CCSER2: variants seen among roughly 807,000 people sequenced by gnomAD.
CCSER2 encodes the protein serine-rich coiled-coil domain-containing protein 2.
A neutral mutation model predicts 92.3 loss-of-function variants in CCSER2; 46 were observed. The observed-to-expected ratio is 0.50, with a 90% CI of 0.39 to 0.64. The LOEUF is 0.64. Ranked by LOEUF, CCSER2 falls within the 30% of genes least tolerant of loss-of-function variation. CCSER2 has a pLI of 0.00. For synonymous variants in CCSER2, 433 were observed against 431.4 expected (o/e 1.00, Z -0.04); for missense variants, 1,244 against 1,238.9 (o/e 1.00, Z -0.06).
At chr10:84,502,305 T>G (rs1447493863) in intron 9 of CCSER2, among the ~76,000 whole-genome samples, 1 of 151,554 alleles carries the variant, frequency 6.6e-6, no homozygotes, top group Non-Finnish European at 1.5e-5. Flanking sequence ...TGATTGTGCT[T>G]AAGAAGATAG....
chr10:84,363,435 G>T (rs909445002), intron 1 of CCSER2, among the ~76,000 whole-genome samples: 1 of 152,154 alleles, frequency 6.6e-6, no homozygotes, highest in Non-Finnish European at 1.5e-5. Flanking sequence ...TGATCTAGTT[G>T]TCTGAACTTG....
rs60891669 is a variant in CCSER2, at chr10:84,394,385, A to ATGTGTGTGTGTGTGTG, written c.1614+20594_1614+20609dup. Among the ~76,000 whole-genome samples, 139 of 132,680 alleles carry ATGTGTGTGTGTGTGTG rather than the reference A, an allele frequency of 1.0e-3. 1 individual carries two copies. Among genetic ancestry groups the ATGTGTGTGTGTGTGTG allele is most frequent in the Admixed American group, 2.3e-3 (32 of 14,096 alleles). 87.0% of individuals were successfully genotyped at this position (132,680 alleles called of 152,430 possible). On this transcript the variant is annotated intron_variant, in intron 3 of 9. Transcript: ENST00000372088. ...GCTCTTGAAATAACAAAAGGAAAGT[A>ATGTGTGTGTGTGTGTG]TGTGTGTGTGTGTGTGTGTGTGTGT...
chr10:84,404,729 A>G (rs962921699), intron 3 of CCSER2, among the ~76,000 whole-genome samples: 4 of 152,254 alleles, frequency 2.6e-5, no homozygotes, highest in African/African-American at 4.8e-5. Context: ...TACAAAATCA[A>G]TGCACACAAT....
At chr10:84,465,239 TTGTGTGTGTGTGTGTGTGTGTG>T (rs59254139) in intron 7 of CCSER2, among the ~76,000 whole-genome samples, 13,766 of 106,816 alleles carry the variant, frequency 0.13, 2,410 homozygotes, top group African/African-American at 0.39. Flanking sequence ...TTTCCTGAAT[TTGTGTGTGTGTGTGTGTGTGTG>T]TGTGTGTGTG....
In CCSER2 at chr10:84,515,671, T is replaced by TGA. The variant is rs1849574843; in HGVS notation, c.*1405_*1406dup. 2.6e-5 allele frequency: 4 copies of TGA among 152,296 alleles called. No homozygotes were observed. Among genetic ancestry groups the TGA allele is most frequent in the African/African-American group, 9.6e-5 (4 of 41,570 alleles). 9.4% of individuals were successfully genotyped at this position (152,296 alleles called of 1,614,324 possible). On this transcript the variant is annotated 3_prime_UTR_variant, in exon 10 of 10. Transcript: ENST00000372088. The stretch of plus-strand genomic sequence containing the variant: ...GTTGGTCAGGCTGGTCTCGAACTCC[T>TGA]GACCTCAAGTGATCCACCCACCTCG...
At chr10:84,358,670 A>C (rs1242613282) in intron 1 of CCSER2, among the ~76,000 whole-genome samples, 1 of 147,844 alleles carries the variant, frequency 6.8e-6, no homozygotes, top group Admixed American at 6.8e-5. Flanking sequence ...ACATATACAT[A>C]TATGTATATA....
At chr10:84,377,098 A>G (rs918849271) in intron 3 of CCSER2, among the ~76,000 whole-genome samples, 1 of 152,050 alleles carries the variant, frequency 6.6e-6, no homozygotes, top group Non-Finnish European at 1.5e-5. Context: ...ATTCATGTGT[A>G]TATTTACATT....
intron 1 of CCSER2, among the ~76,000 whole-genome samples, chr10:84,346,354 G>A (rs527917527): frequency 1.7e-4 from 25 of 151,356 alleles, no homozygotes; most frequent in Middle Eastern, 3.4e-3. Flanking sequence ...GTGAGCCACC[G>A]CACCCAGCCA....
chr10:84,331,788 A>G (rs1220355836), intron 1 of CCSER2, among the ~76,000 whole-genome samples: 1 of 152,252 alleles, frequency 6.6e-6, no homozygotes, highest in Non-Finnish European at 1.5e-5. Flanking sequence ...ATTTCTTGTC[A>G]TATCAGTGGT....
At chr10:84,411,746 A>G (rs1177030417) in intron 3 of CCSER2, among the ~76,000 whole-genome samples, 1 of 152,190 alleles carries the variant, frequency 6.6e-6, no homozygotes, top group East Asian at 1.9e-4. Context: ...GAATTATCTC[A>G]TCTGCAAACA....
At chr10:84,496,354 C>T (rs749357196) in intron 9 of CCSER2, among the ~76,000 whole-genome samples, 122 of 152,076 alleles carry the variant, frequency 8.0e-4, no homozygotes, top group Non-Finnish European at 1.5e-3. Flanking sequence ...GGGGTGATCT[C>T]GGCTCACAGC....
At chr10:84,482,287 T>A (rs1296626173) in intron 9 of CCSER2, among the ~76,000 whole-genome samples, 2 of 152,090 alleles carry the variant, frequency 1.3e-5, no homozygotes, top group Non-Finnish European at 2.9e-5. Flanking sequence ...CCGGATACAA[T>A]GGTGAAATGA....
rs144088295 is a variant in CCSER2, at chr10:84,506,796, A to AAAATAAAT, written c.2326-6628_2326-6621dup. 3.3e-3 allele frequency among the ~76,000 whole-genome samples: 486 copies of AAAATAAAT among 147,960 alleles called. 4 individuals are homozygous for AAAATAAAT. The highest frequency in any genetic ancestry group is 8.8e-3 in the East Asian group (45 of 5,124). ...GGCAATAGTGCAAGACTCCATCTCA[A>AAAATAAAT]AAATAAATAAATAAATAAATAAATA... is the stretch of plus-strand genomic sequence containing the variant. On this transcript the variant is annotated intron_variant, in intron 9 of 9. Coordinates refer to ENST00000372088, the MANE Select transcript of CCSER2 (RefSeq NM_001284240.2).
intron 3 of CCSER2, among the ~76,000 whole-genome samples, chr10:84,408,393 A>T (rs1169052038): frequency 1.3e-5 from 2 of 152,044 alleles, no homozygotes; most frequent in Non-Finnish European, 2.9e-5. Context: ...TTATTTATAT[A>T]TGTTTGATTT....
rs558995182 is a variant in CCSER2, at chr10:84,419,520, A to G, written c.1705+1659A>G. On this transcript the variant is annotated intron_variant, in intron 4 of 9. Transcript: ENST00000372088. ...GAGACTGGGAAGTGTACTCTTCATA[A>G]TGAAGGCTCTGCACATGATAGAGGA... Among the ~76,000 whole-genome samples the G allele has an allele frequency of 2.4e-3, 367 of 152,272 alleles. 1 individual carries two copies. The highest frequency in any genetic ancestry group is 8.4e-3 in the African/African-American group (351 of 41,570).
intron 5 of CCSER2, among the ~76,000 whole-genome samples, chr10:84,429,014 T>TATATATAC (rs1400134320): frequency 2.2e-5 from 3 of 139,346 alleles, no homozygotes; most frequent in South Asian, 2.3e-4. Context: ...TATATATATA[T>TATATATAC]ACACACTTAA....
At chr10:84,420,772 A>T (rs192128415) in intron 4 of CCSER2, among the ~76,000 whole-genome samples, 18 of 152,108 alleles carry the variant, frequency 1.2e-4, no homozygotes, top group African/African-American at 4.3e-4. Flanking sequence ...TCTCTACTAA[A>T]AACACAAAAA....
intron 5 of CCSER2, among the ~76,000 whole-genome samples, chr10:84,435,061 A>C (rs1420069412): frequency 1.3e-5 from 2 of 152,218 alleles, no homozygotes; most frequent in African/African-American, 4.8e-5. Context: ...AGAAAGTAGC[A>C]TTTCAGTACT....
Position 84,339,053 on chromosome 10 carries a change from T to TA in CCSER2, c.-40+10254dup, listed in dbSNP as rs887583538. Among the ~76,000 whole-genome samples the TA allele has an allele frequency of 3.3e-3, 491 of 150,806 alleles. 5 individuals are homozygous for TA. Among genetic ancestry groups the TA allele is most frequent in the African/African-American group, 9.4e-3 (388 of 41,246 alleles). On this transcript the variant is annotated intron_variant, in intron 1 of 9. Transcript: ENST00000372088. ...AGATCTGACCAGGTTCTGTTTTTGC[T>TA]AAAAAAAAATCTTCTGTGGCTCCCT...
Sources: allele counts gnomAD v4.1 joint callset (sites outside exome capture counted in the v4.1 genomes callset), GRCh38; gene constraint gnomAD v4.1.1; transcripts MANE v1.5; gene names NCBI Gene and HGNC (gene_info 2026-07-23, HGNC 2026-07-21).